DOCK3: variants seen among roughly 807,000 people sequenced by gnomAD.
The protein encoded by DOCK3 is dedicator of cytokinesis protein 3.
DOCK3 carries 60 observed loss-of-function variants against 265.6 expected under a neutral mutation model. The ratio of observed to expected loss-of-function variants is 0.23; its 90% CI spans 0.18 to 0.28. DOCK3 has a LOEUF of 0.28. DOCK3 is among the 10% of genes least tolerant of loss of function. DOCK3 has a pLI of 1.00. For synonymous variants in DOCK3, 881 were observed against 938.0 expected (o/e 0.94, Z 1.11); for missense variants, 1,981 against 2,594.3 (o/e 0.76, Z 5.14).
intron 2 of DOCK3, among the ~76,000 whole-genome samples, chr3:50,804,124 C>A (rs1163683911): frequency 6.6e-6 from 1 of 151,118 alleles, no homozygotes; most frequent in Non-Finnish European, 1.5e-5. Context: ...AGAGGCGCTC[C>A]CCACATCTCA....
intron 23 of DOCK3, among the ~76,000 whole-genome samples, chr3:51,264,239 C>T (rs1041990003): frequency 1.3e-5 from 2 of 152,184 alleles, no homozygotes; most frequent in South Asian, 4.1e-4. Flanking sequence ...CAAATTAGAA[C>T]TCAGGATTAA....
chr3:51,353,383 G>A (rs1189757680), intron 40 of DOCK3, among the ~76,000 whole-genome samples: 1 of 152,078 alleles, frequency 6.6e-6, no homozygotes, highest in Non-Finnish European at 1.5e-5. Flanking sequence ...AGGCTGAGGC[G>A]GGTGGATCAC....
At chr3:50,971,952 C>G (rs1200586268) in intron 5 of DOCK3, among the ~76,000 whole-genome samples, 2 of 152,220 alleles carry the variant, frequency 1.3e-5, no homozygotes, top group Non-Finnish European at 2.9e-5. Flanking sequence ...GCTCCATGAC[C>G]TATACAGGCA....
At chr3:50,852,506 T>C (rs560113277) in intron 3 of DOCK3, among the ~76,000 whole-genome samples, 1 of 152,320 alleles carries the variant, frequency 6.6e-6, no homozygotes, top group Non-Finnish European at 1.5e-5. Flanking sequence ...TATCATCTGT[T>C]GGTTTTGGTC....
In DOCK3 at chr3:51,016,564, T is replaced by G. The variant is rs868053306; in HGVS notation, c.316-47884T>G. 5.7e-4 allele frequency among the ~76,000 whole-genome samples: 43 copies of G among 75,842 alleles called. 2 individuals carry two copies. Among genetic ancestry groups the G allele is most frequent in the Admixed American group, 1.9e-3 (9 of 4,646 alleles). The allele number at this position is 75,842 out of a possible 152,430, so 49.8% of individuals were successfully genotyped here. A position where few individuals can be genotyped will look rare whatever the true frequency, so the allele number is the denominator to read the frequency against. ...ATATATATTTATATATATCATATAT[T>G]ATATATATATTTATATATATCATAT... is the stretch of plus-strand genomic sequence containing the variant. On this transcript the variant is annotated intron_variant, in intron 5 of 52. Coordinates refer to ENST00000266037, the MANE Select transcript of DOCK3 (RefSeq NM_004947.5).
chr3:51,276,033 G>A (rs929375493), intron 25 of DOCK3, among the ~76,000 whole-genome samples: 2 of 152,182 alleles, frequency 1.3e-5, no homozygotes, highest in East Asian at 1.9e-4. Flanking sequence ...CTAGAGAATA[G>A]AATTTCACAT....
At chr3:51,216,937 T>C (rs937941597) in intron 14 of DOCK3, among the ~76,000 whole-genome samples, 1 of 152,204 alleles carries the variant, frequency 6.6e-6, no homozygotes, top group African/African-American at 2.4e-5. Context: ...CTCACAGTGC[T>C]GGTGTGACCA....
chr3:51,172,591 T>C (rs2086737191), intron 12 of DOCK3, among the ~76,000 whole-genome samples: 1 of 152,220 alleles, frequency 6.6e-6, no homozygotes, highest in African/African-American at 2.4e-5. Context: ...GAATGGAGAA[T>C]TTGGTCCAAT....
chr3:50,847,392 C>CATGT lies in DOCK3; in HGVS notation c.162+5678_162+5681dup, dbSNP rs2046132390. Among the ~76,000 whole-genome samples, 3 of 152,102 alleles carry CATGT rather than the reference C, an allele frequency of 2.0e-5. No homozygotes were observed. In the South Asian group the frequency reaches 6.2e-4, roughly 32 times the overall value. On this transcript the variant is annotated intron_variant, in intron 3 of 52. Coordinates refer to ENST00000266037, the MANE Select transcript of DOCK3 (RefSeq NM_004947.5). The stretch of plus-strand genomic sequence containing the variant: ...TATTGAAACTTGCTTTATGGTTGAG[C>CATGT]ATGTGGTCAATCTTGGAATATGTTC...
intron 5 of DOCK3, among the ~76,000 whole-genome samples, chr3:51,007,523 C>G (rs2078732663): frequency 6.6e-6 from 1 of 152,176 alleles, no homozygotes; most frequent in South Asian, 2.1e-4. Flanking sequence ...GATATTAGCC[C>G]TTTGTCAGAT....
At chr3:51,268,660 T>C (rs1045594753) in intron 23 of DOCK3, among the ~76,000 whole-genome samples, 1 of 152,150 alleles carries the variant, frequency 6.6e-6, no homozygotes, top group African/African-American at 2.4e-5. Context: ...CTGTGTTGCC[T>C]CTTGATACCA....
At chr3:51,010,602 G>C (rs1174725515) in intron 5 of DOCK3, among the ~76,000 whole-genome samples, 1 of 152,034 alleles carries the variant, frequency 6.6e-6, no homozygotes, top group South Asian at 2.1e-4. Context: ...TTTAATTGGG[G>C]CATTTAGCCC....
At position 51,090,513 on chromosome 3, in the gene DOCK3, C is replaced by T. The variant is rs1225446548; in HGVS notation, c.746+129C>T. 4 of 1,027,252 alleles carry T rather than the reference C, an allele frequency of 3.9e-6. No homozygotes were observed. In the East Asian group the frequency reaches 1.2e-4, roughly 30 times the overall value. 63.6% of individuals were successfully genotyped at this position (1,027,252 alleles called of 1,614,324 possible). ...AGATAAAGTAACCTCATCTCATTAG[C>T]TAGGAGTTTTGGCCCCAATTCCCTG... is the stretch of plus-strand genomic sequence containing the variant. On this transcript the variant is annotated intron_variant, in intron 9 of 52. Coordinates refer to ENST00000266037, the MANE Select transcript of DOCK3 (RefSeq NM_004947.5).
rs1273932441 is a variant in DOCK3 at position 51,270,914 on chromosome 3, A to G, written c.2455A>G (p.Met819Val). Residue 819 changes from methionine (M) to valine (V), a missense_variant, in exon 24 of 53, where the codon ATG becomes GTG. Met to Val is a conservative substitution (Grantham distance 21). Coordinates refer to ENST00000266037, the MANE Select transcript of DOCK3 (RefSeq NM_004947.5). Reference sequence around the variant, plus strand: ...GTTTGTGAGAGGGACACTGGGGAGCATGCCCAGCACTGTGCACATTGGGCA... The same window carrying G: ...GTTTGTGAGAGGGACACTGGGGAGCGTGCCCAGCACTGTGCACATTGGGCA... Reference protein sequence around the residue: ...AEFVRGTLGSMPSTVHIGQSM... With the variant: ...AEFVRGTLGSVPSTVHIGQSM... 2 of 1,614,034 alleles carry G rather than the reference A, an allele frequency of 1.2e-6. No individual in the cohort carries two copies. Among genetic ancestry groups the G allele is most frequent in the Non-Finnish European group, 8.5e-7 (1 of 1,179,898 alleles).
At chr3:51,296,501 G>A (rs1481276566) in intron 27 of DOCK3, among the ~76,000 whole-genome samples, 2 of 149,992 alleles carry the variant, frequency 1.3e-5, no homozygotes, top group Non-Finnish European at 3.0e-5. Flanking sequence ...TTTTGAGATG[G>A]AGTCTTGCTC....
At chr3:51,088,621 A>C (rs1277881542) in intron 7 of DOCK3, among the ~76,000 whole-genome samples, 4 of 152,210 alleles carry the variant, frequency 2.6e-5, no homozygotes, top group Non-Finnish European at 5.9e-5. Flanking sequence ...CCTAACTTCT[A>C]TATCATAGTG....
chr3:50,977,904 T>C (rs1033643095), intron 5 of DOCK3, among the ~76,000 whole-genome samples: 5 of 152,116 alleles, frequency 3.3e-5, no homozygotes, highest in African/African-American at 9.7e-5. Flanking sequence ...TCATCTTCCA[T>C]CGCTGATACC....
intron 32 of DOCK3, among the ~76,000 whole-genome samples, chr3:51,315,845 T>A (rs1211901593): frequency 1.3e-5 from 2 of 152,018 alleles, no homozygotes; most frequent in African/African-American, 2.4e-5. Flanking sequence ...CCAGGAAACC[T>A]CTAGGGGAAT....
chr3:51,237,037 G>A (rs960346325), intron 20 of DOCK3, among the ~76,000 whole-genome samples: 3 of 152,140 alleles, frequency 2.0e-5, no homozygotes, highest in East Asian at 3.9e-4. Context: ...TGCCCCTCCG[G>A]CTCTTCTTCT....
Sources: gnomAD v4.1 joint callset for allele counts (sites outside exome capture counted in the v4.1 genomes callset) on GRCh38, gnomAD v4.1.1 for gene constraint, MANE v1.5 for transcripts, NCBI Gene and HGNC (gene_info 2026-07-23, HGNC 2026-07-21) for gene names.